SORCS1: variants seen among roughly 807,000 people sequenced by gnomAD.
SORCS1 encodes the protein VPS10 domain-containing receptor SorCS1.
SORCS1 carries 60 observed loss-of-function variants against 146.1 expected under a neutral mutation model. The ratio of observed to expected loss-of-function variants is 0.41; its 90% CI spans 0.33 to 0.51. The LOEUF (loss-of-function observed/expected upper bound fraction) is 0.51, where lower values mean the gene tolerates loss of function less well. Among genes scored for constraint, SORCS1 ranks in the 20% least tolerant of loss-of-function variants. SORCS1 has a pLI of 0.21. For synonymous variants in SORCS1, 637 were observed against 584.0 expected, an observed-to-expected ratio of 1.09 and a Z score of -1.31; for missense variants, 1,352 against 1,487.6, an observed-to-expected ratio of 0.91 and a Z score of 1.50.
chr10:106,759,805 A>T (rs1365275119), intron 5 of SORCS1, among the ~76,000 whole-genome samples: 2 of 152,188 alleles, frequency 1.3e-5, no homozygotes, highest in African/African-American at 4.8e-5. Flanking sequence ...GCTAACATAT[A>T]TAGTTTATGT....
chr10:106,876,121 C>A (rs181020973), intron 2 of SORCS1, among the ~76,000 whole-genome samples: 108 of 152,098 alleles, frequency 7.1e-4, no homozygotes, highest in Non-Finnish European at 1.4e-3. Context: ...TGATTCAGTG[C>A]CTGAACCTTC....
chr10:106,745,329 T>A lies in SORCS1; in HGVS notation c.960-15215A>T, dbSNP rs367915402. ...CGGGAGGCTGAGGCAGGAGAATGGGTGAACCTGGGAGGTGGAGCTTGCAAT... is the reference window on the plus strand; with the variant it reads ...CGGGAGGCTGAGGCAGGAGAATGGGAGAACCTGGGAGGTGGAGCTTGCAAT... On this transcript the variant is annotated intron_variant, in intron 5 of 25. Coordinates refer to ENST00000263054, the MANE Select transcript of SORCS1 (RefSeq NM_052918.5). 1.0e-4 allele frequency among the ~76,000 whole-genome samples: 15 copies of A among 150,324 alleles called. No individual in the cohort carries two copies. In the East Asian group the frequency reaches 1.2e-3, roughly 12 times the overall value.
intron 23 of SORCS1, among the ~76,000 whole-genome samples, chr10:106,599,840 C>T (rs967360639): frequency 6.6e-5 from 10 of 151,574 alleles, no homozygotes; most frequent in East Asian, 1.9e-4. Context: ...GGCGCGATCT[C>T]GGCTCACTGC....
chr10:106,672,420 C>T (rs1851677877), intron 15 of SORCS1, among the ~76,000 whole-genome samples: 3 of 152,100 alleles, frequency 2.0e-5, no homozygotes, highest in Non-Finnish European at 1.5e-5. Flanking sequence ...CATATAGTTC[C>T]AAGGAATCAA....
At chr10:106,801,578 GA>G (rs1188277696) in intron 3 of SORCS1, among the ~76,000 whole-genome samples, 1 of 147,344 alleles carries the variant, frequency 6.8e-6, no homozygotes, top group Non-Finnish European at 1.5e-5. Flanking sequence ...TCCCAGGCTG[GA>G]GTGCAGTGGT....
At chr10:106,997,839 T>A (rs886953846) in intron 1 of SORCS1, among the ~76,000 whole-genome samples, 9 of 152,166 alleles carry the variant, frequency 5.9e-5, no homozygotes, top group African/African-American at 2.2e-4. Flanking sequence ...TTCTCCACTG[T>A]CTCCCAAGCT....
intron 4 of SORCS1, among the ~76,000 whole-genome samples, chr10:106,774,671 T>A (rs1301453624): frequency 6.6e-6 from 1 of 152,194 alleles, no homozygotes; most frequent in Non-Finnish European, 1.5e-5. Flanking sequence ...TAGATCTCTA[T>A]CTCCTGAACT....
intron 18 of SORCS1, among the ~76,000 whole-genome samples, chr10:106,650,587 C>T (rs1411735333): frequency 6.6e-6 from 1 of 152,154 alleles, no homozygotes; most frequent in South Asian, 2.1e-4. Context: ...CTCATCAGTC[C>T]TAGCTTTGGA....
chr10:106,599,203 T>C (rs981794054), intron 23 of SORCS1, among the ~76,000 whole-genome samples: 1 of 151,854 alleles, frequency 6.6e-6, no homozygotes, highest in Non-Finnish European at 1.5e-5. Flanking sequence ...CCATCTCTAC[T>C]AAAACTACAA....
Position 106,611,922 on chromosome 10 carries a change from A to T in SORCS1, c.3022T>A (p.Ser1008Thr). 6.2e-7 allele frequency: 1 copy of T among 1,613,698 alleles called. No individual in the cohort carries two copies. The highest frequency in any genetic ancestry group is 8.5e-7 in the Non-Finnish European group (1 of 1,179,666). Residue 1008 changes from serine (S) to threonine (T), a missense_variant, in exon 22 of 26, where the codon TCC becomes ACC. Coordinates refer to ENST00000263054, the MANE Select transcript of SORCS1 (RefSeq NM_052918.5). The part of the protein sequence containing the change: ...RRDIGRVIKK[S>T]LVEATGVPGQ... ...CTGTGTGCACTCACTTCCACCAGGG[A>T]TTTTTTGATGACTCGACCGATGTCC...
chr10:106,759,382 G>A (rs758295874), intron 5 of SORCS1, among the ~76,000 whole-genome samples: 14 of 152,152 alleles, frequency 9.2e-5, no homozygotes, highest in Non-Finnish European at 1.8e-4. Context: ...CCAATTCCTT[G>A]TAACACGGTT....
intron 2 of SORCS1, among the ~76,000 whole-genome samples, chr10:106,871,125 G>C (rs560145862): frequency 9.2e-5 from 14 of 152,154 alleles, no homozygotes; most frequent in Non-Finnish European, 1.9e-4. Flanking sequence ...GATCATTAGA[G>C]AAATATAATC....
chr10:106,725,669 G>A (rs1485226628), intron 6 of SORCS1, among the ~76,000 whole-genome samples: 1 of 151,988 alleles, frequency 6.6e-6, no homozygotes, highest in Non-Finnish European at 1.5e-5. Flanking sequence ...GGTGGCTCAC[G>A]CTTGTAATCC....
intron 2 of SORCS1, among the ~76,000 whole-genome samples, chr10:106,943,346 A>G (rs1954148580): frequency 6.6e-6 from 1 of 151,454 alleles, no homozygotes; most frequent in Non-Finnish European, 1.5e-5. Context: ...TCTTCTGCAC[A>G]CTCTCCCTAG....
At chr10:107,155,785 A>G (rs958351225) in intron 1 of SORCS1, among the ~76,000 whole-genome samples, 1 of 152,198 alleles carries the variant, frequency 6.6e-6, no homozygotes, top group East Asian at 1.9e-4. Flanking sequence ...CTGGTTAGGG[A>G]AAGATGACTA....
chr10:107,103,360 C>T (rs1171450810), intron 1 of SORCS1, among the ~76,000 whole-genome samples: 1 of 152,186 alleles, frequency 6.6e-6, no homozygotes, highest in Non-Finnish European at 1.5e-5. Context: ...GTAGTCCCGA[C>T]TAAGGTTTAT....
intron 1 of SORCS1, among the ~76,000 whole-genome samples, chr10:107,058,043 T>A (rs888859590): frequency 6.6e-6 from 1 of 152,098 alleles, no homozygotes; most frequent in African/African-American, 2.4e-5. Context: ...AAAAAAATTT[T>A]TTTTTTATTT....
intron 2 of SORCS1, among the ~76,000 whole-genome samples, chr10:106,924,764 A>ATTTTTT (rs368269912): frequency 1.0e-5 from 1 of 99,914 alleles, no homozygotes; most frequent in African/African-American, 3.0e-5. Context: ...AACTGCATGG[A>ATTTTTT]TTTTTTTTTT....
chr10:106,735,146 CAA>C (rs56273269), intron 5 of SORCS1, among the ~76,000 whole-genome samples: 2 of 128,686 alleles, frequency 1.6e-5, no homozygotes, highest in Admixed American at 8.2e-5. Flanking sequence ...GACTCCATCT[CAA>C]AAAAAAAAAA....
Sources: allele counts gnomAD v4.1 joint callset (sites outside exome capture counted in the v4.1 genomes callset), GRCh38; gene constraint gnomAD v4.1.1; transcripts MANE v1.5; gene names NCBI Gene and HGNC (gene_info 2026-07-23, HGNC 2026-07-21).